SMC4: variants seen among roughly 807,000 people sequenced by gnomAD.
SMC4 encodes the protein structural maintenance of chromosomes 4.
A neutral mutation model predicts 145.6 loss-of-function variants in SMC4; 87 were observed. The ratio of observed to expected loss-of-function variants is 0.60; its 90% CI spans 0.50 to 0.71. The LOEUF (loss-of-function observed/expected upper bound fraction) is 0.71, where lower values mean the gene tolerates loss of function less well. SMC4 is among the 30% of genes least tolerant of loss of function. The pLI is 0.00. For synonymous variants in SMC4, 558 were observed against 500.7 expected (o/e 1.11, Z -1.53); for missense variants, 1,447 against 1,537.1 (o/e 0.94, Z 0.98).
intron 5 of SMC4, among the ~76,000 whole-genome samples, chr3:160,408,395 G>T (rs901150366): frequency 1.3e-5 from 2 of 152,200 alleles, no homozygotes; most frequent in African/African-American, 4.8e-5. Flanking sequence ...TGCCACTCAA[G>T]AAAGTGTTCC....
rs566727996 is a variant in SMC4 at position 160,432,313 on chromosome 3, T to A, written c.3328T>A (p.Leu1110Met). ...ATTGTATTTGCAACGGGTAGCAGAA[T>A]TGGACAAAATTACTTATGAAAGAGA... Reference protein sequence around the residue: ...EELYLQRVAELDKITYERDSF... With the variant: ...EELYLQRVAEMDKITYERDSF... The change falls in exon 22 of 24, where the codon TTG (leucine) becomes ATG (methionine). Residue 1110 changes from leucine (L) to methionine (M), a missense_variant. Coordinates refer to ENST00000357388, the MANE Select transcript of SMC4 (RefSeq NM_001002800.3). 6.2e-7 allele frequency: 1 copy of A among 1,610,934 alleles called. No individual in the cohort carries two copies. Among genetic ancestry groups the A allele is most frequent in the African/African-American group, 1.3e-5 (1 of 74,762 alleles).
intron 3 of SMC4, 143 bp downstream of exon 3, chr3:160,402,236 C>A: frequency 3.9e-6 from 2 of 513,220 alleles, no homozygotes; most frequent in East Asian, 3.4e-5. Flanking sequence ...GTCTCTCTCT[C>A]TCACACACAC....
rs1451161809 is a variant in SMC4 at position 160,433,090 on chromosome 3, AGTT to A, written c.3596_3598del (p.Ser1199_Ser1200delinsThr). On this transcript the variant is annotated inframe_deletion, in exon 23 of 24. Coordinates refer to ENST00000357388, the MANE Select transcript of SMC4 (RefSeq NM_001002800.3). ...CCTTTCGGGAGGAGAGAAAACACTT[AGTT>A]CATTGGCTTTAGTATTTGCTCTTCA... 6.2e-7 allele frequency: 1 copy of A among 1,613,526 alleles called. No homozygotes were observed. The highest frequency in any genetic ancestry group is 8.5e-7 in the Non-Finnish European group (1 of 1,179,636).
At chr3:160,404,228 A>T (rs969933599) in intron 4 of SMC4, 100 bp from the exon 5 acceptor site, 1 of 1,098,770 alleles carries the variant, frequency 9.1e-7, no homozygotes, top group Non-Finnish European at 1.3e-6. Context: ...GAAGTTTTTA[A>T]TCCATAGAAT....
intron 22 of SMC4, 35 bp downstream of exon 22, chr3:160,432,550 T>C (rs372136130): frequency 1.6e-4 from 198 of 1,259,168 alleles, no homozygotes; most frequent in Non-Finnish European, 2.0e-4. Context: ...ATCCCACTGT[T>C]ACCTTTTTCT....
chr3:160,428,206 TTTGA>T (rs1186608044), intron 17 of SMC4, among the ~76,000 whole-genome samples: 1 of 152,212 alleles, frequency 6.6e-6, no homozygotes, highest in East Asian at 1.9e-4. Flanking sequence ...TGCAAGTACT[TTTGA>T]TTGAATTGAC....
chr3:160,421,938 A>G (rs1381738089), intron 13 of SMC4, among the ~76,000 whole-genome samples: 1 of 152,148 alleles, frequency 6.6e-6, no homozygotes, highest in African/African-American at 2.4e-5. Context: ...GTTTCTGTAG[A>G]TTTATCTACA....
chr3:160,407,448 G>A (rs533949823), intron 5 of SMC4, among the ~76,000 whole-genome samples: 1 of 152,256 alleles, frequency 6.6e-6, no homozygotes, highest in Admixed American at 6.5e-5. Context: ...ACCTACTCAG[G>A]AGGCTGAGGT....
At chr3:160,415,174 C>T (rs1010617130) in intron 9 of SMC4, among the ~76,000 whole-genome samples, 1 of 152,158 alleles carries the variant, frequency 6.6e-6, no homozygotes, top group Admixed American at 6.5e-5. Context: ...GAGTTTAAGA[C>T]CAGCCTGGGC....
intron 5 of SMC4, among the ~76,000 whole-genome samples, chr3:160,407,369 A>G (rs529494883): frequency 6.6e-6 from 1 of 152,134 alleles, no homozygotes; most frequent in Non-Finnish European, 1.5e-5. Context: ...CCTAGGCAAC[A>G]TGGTGAAACT....
chr3:160,405,371 T>C (rs1208890167), intron 5 of SMC4, among the ~76,000 whole-genome samples: 1 of 151,758 alleles, frequency 6.6e-6, no homozygotes, highest in Non-Finnish European at 1.5e-5. Flanking sequence ...CCTGTTTGAT[T>C]CGAGGGTATC....
chr3:160,403,928 T>A (rs943367246), intron 4 of SMC4: 37 of 164,102 alleles, frequency 2.3e-4, no homozygotes, highest in Non-Finnish European at 4.3e-4. Context: ...GTTACTACCT[T>A]CCTTCCTTTT....
chr3:160,404,401 C>A lies in SMC4; in HGVS notation c.584C>A (p.Ser195Tyr), dbSNP rs184669458. ...VSRTACRDNT[S>Y]VYHISGKKKT... ...AGAACGGCCTGCAGAGATAATACTT[C>A]TGTCTATCACATAAGTGGAAAGAAA... is the stretch of plus-strand genomic sequence containing the variant. The change falls in exon 5 of 24, where the codon TCT becomes TAT. Residue 195 changes from serine to tyrosine, a missense_variant. Physicochemically the swap from Ser to Tyr is moderately radical, Grantham distance 144 (BLOSUM62 -2). Coordinates refer to ENST00000357388, the MANE Select transcript of SMC4 (RefSeq NM_001002800.3). 1.2e-6 allele frequency: 2 copies of A among 1,610,606 alleles called. No homozygotes were observed.
At chr3:160,403,962 G>T in intron 4 of SMC4, 1 of 169,168 alleles carries the variant, frequency 5.9e-6, no homozygotes, top group Non-Finnish European at 1.2e-5. Context: ...ATTTTAAAAA[G>T]CTGCAGCTTT....
At chr3:160,401,269 A>G (rs1180795763) in intron 2 of SMC4, among the ~76,000 whole-genome samples, 1 of 152,106 alleles carries the variant, frequency 6.6e-6, no homozygotes, top group Non-Finnish European at 1.5e-5. Context: ...TATTCCCGCT[A>G]AAATCGAGAC....
chr3:160,414,603 G>A (rs1716395442), intron 9 of SMC4, 86 bp downstream of exon 9: 2 of 1,216,954 alleles, frequency 1.6e-6, no homozygotes, highest in Non-Finnish European at 2.3e-6. Context: ...TATTGCCTAA[G>A]AGAATGAATT....
chr3:160,424,668 G>A (rs766636804), intron 15 of SMC4, among the ~76,000 whole-genome samples, 199 bp from the exon 16 acceptor site: 7 of 152,256 alleles, frequency 4.6e-5, no homozygotes, highest in Admixed American at 2.6e-4. Flanking sequence ...TTAGCCGGGC[G>A]TGGTGGCACG....
intron 5 of SMC4, among the ~76,000 whole-genome samples, chr3:160,405,833 A>T (rs1351913907): frequency 1.3e-5 from 2 of 152,056 alleles, no homozygotes; most frequent in African/African-American, 4.8e-5. Flanking sequence ...GGTTTGGTTA[A>T]TAATGGATAA....
chr3:160,430,472 A>C (rs945958906), intron 18 of SMC4, 127 bp from the exon 19 acceptor site: 2 of 874,742 alleles, frequency 2.3e-6, no homozygotes, highest in South Asian at 4.1e-5. Context: ...TTAGTAAATC[A>C]TAAACTTAAA....
Sources: allele counts gnomAD v4.1 joint callset (sites outside exome capture counted in the v4.1 genomes callset), GRCh38; gene constraint gnomAD v4.1.1; transcripts MANE v1.5; gene names NCBI Gene and HGNC (gene_info 2026-07-23, HGNC 2026-07-21).